ZNF365: variants seen among roughly 807,000 people sequenced by gnomAD.
ZNF365 encodes the protein protein ZNF365.
ZNF365 carries 22 observed loss-of-function variants against 35.0 expected under a neutral mutation model. The observed-to-expected ratio is 0.63, with a 90% confidence interval of 0.45 to 0.90. The LOEUF (loss-of-function observed/expected upper bound fraction) is 0.90. Ranked by LOEUF, ZNF365 falls within the 40% of genes least tolerant of loss-of-function variation. ZNF365 has a pLI of 0.00. For synonymous variants in ZNF365, 188 were observed against 196.2 expected, an observed-to-expected ratio of 0.96 and a Z score of 0.35; for missense variants, 448 against 500.3, an observed-to-expected ratio of 0.90 and a Z score of 1.00.
At chr10:62,388,644 A>G in intron 3 of ZNF365, 68 bp downstream of exon 3, 1 of 1,565,980 alleles carries the variant, frequency 6.4e-7, no homozygotes, top group Non-Finnish European at 8.7e-7. Context: ...CTGAGGACAG[A>G]GAAAAGGGAG....
intron 1 of ZNF365, among the ~76,000 whole-genome samples, chr10:62,375,141 T>A (rs1281265648): frequency 2.0e-5 from 3 of 152,172 alleles, no homozygotes; most frequent in Admixed American, 1.3e-4. Flanking sequence ...TAGAAACCTT[T>A]CATGGAGGAA....
At chr10:62,412,560 C>A (rs1840003255) in intron 3 of ZNF365, among the ~76,000 whole-genome samples, 1 of 152,072 alleles carries the variant, frequency 6.6e-6, no homozygotes, top group Non-Finnish European at 1.5e-5. Context: ...TCTTCTCAAG[C>A]TAAAAAGCAA....
chr10:62,480,167 C>T lies in ZNF365; in HGVS notation c.*271C>T, dbSNP rs1024431617. 16 of 1,216,436 alleles carry T rather than the reference C, an allele frequency of 1.3e-5. No homozygotes were observed. In the South Asian group the frequency reaches 4.2e-4, roughly 32 times the overall value. The allele number at this position is 1,216,436 out of a possible 1,614,324, so 75.4% of individuals were successfully genotyped here. A position where few individuals can be genotyped will look rare whatever the true frequency, so the allele number is the denominator to read the frequency against. On this transcript the variant is annotated 3_prime_UTR_variant, in exon 5 of 5. Transcript: ENST00000395255. Reference sequence around the variant, plus strand: ...TCATGCTTTGAGTTTCTCATATAACCCATCATAGCAAGTAGAAGATGCTTC... The same window carrying T: ...TCATGCTTTGAGTTTCTCATATAACTCATCATAGCAAGTAGAAGATGCTTC...
At chr10:62,416,124 A>C (rs1320145048) in intron 3 of ZNF365, among the ~76,000 whole-genome samples, 1 of 151,954 alleles carries the variant, frequency 6.6e-6, no homozygotes, top group African/African-American at 2.4e-5. Context: ...TCACCTTTGC[A>C]TTCTATTTCT....
intron 3 of ZNF365, among the ~76,000 whole-genome samples, chr10:62,455,128 C>G (rs1438418187): frequency 2.0e-5 from 3 of 152,102 alleles, no homozygotes; most frequent in African/African-American, 7.2e-5. Context: ...TTGTAAAGGA[C>G]AGAAAAACGC....
rs754116468 is a variant in ZNF365 at position 62,399,831 on chromosome 10, G to T, written c.*42G>T. 6.4e-6 allele frequency: 10 copies of T among 1,568,298 alleles called. No individual in the cohort carries two copies. In the South Asian group the frequency reaches 1.2e-4, roughly 18 times the overall value. The stretch of plus-strand genomic sequence containing the variant: ...GGACCAATCATCGCTGGGCTTTGGG[G>T]AACGTTGTTCCAGGAGCCAACAGTA... On this transcript the variant is annotated 3_prime_UTR_variant, in exon 5 of 5. Coordinates refer to ENST00000395254, the MANE Select transcript of ZNF365 (RefSeq NM_014951.3).
At chr10:62,478,796 G>A (rs1289775379) in intron 4 of ZNF365, among the ~76,000 whole-genome samples, 1 of 152,092 alleles carries the variant, frequency 6.6e-6, no homozygotes, top group African/African-American at 2.4e-5. Context: ...GGATGGTCTC[G>A]ATCTCCTGAC....
chr10:62,377,490 G>A (rs935443054), intron 2 of ZNF365, among the ~76,000 whole-genome samples: 1 of 152,114 alleles, frequency 6.6e-6, no homozygotes, highest in Non-Finnish European at 1.5e-5. Flanking sequence ...AGACATTAGG[G>A]CACCCAGAGG....
At chr10:62,450,876 C>A (rs1250732556) in intron 3 of ZNF365, among the ~76,000 whole-genome samples, 5 of 152,200 alleles carry the variant, frequency 3.3e-5, no homozygotes, top group African/African-American at 1.2e-4. Flanking sequence ...TCTAAATGAA[C>A]CTATTCCCCT....
chr10:62,467,189 A>G (rs7901870), intron 4 of ZNF365, among the ~76,000 whole-genome samples: 31,600 of 152,190 alleles, frequency 0.21, 4,631 homozygotes, highest in African/African-American at 0.42. Flanking sequence ...GAGATATTAG[A>G]TGTTTTCTTC....
chr10:62,440,595 G>A (rs1327954049), intron 3 of ZNF365, among the ~76,000 whole-genome samples: 1 of 152,180 alleles, frequency 6.6e-6, no homozygotes, highest in Non-Finnish European at 1.5e-5. Flanking sequence ...AATGCATTTA[G>A]CAAATTGACA....
At chr10:62,448,131 CA>C (rs1182610919) in intron 3 of ZNF365, among the ~76,000 whole-genome samples, 1 of 152,214 alleles carries the variant, frequency 6.6e-6, no homozygotes, top group Non-Finnish European at 1.5e-5. Flanking sequence ...AAATATTATA[CA>C]CATCTCCATA....
rs752059728 is a variant in ZNF365, at chr10:62,399,902, A to G, written c.*113A>G. ...CATAGTAAGACACATTGGAAAAGCCAAGGGCATAACACAGGCAAGCACCTC... is the reference window on the plus strand; with the variant it reads ...CATAGTAAGACACATTGGAAAAGCCGAGGGCATAACACAGGCAAGCACCTC... On this transcript the variant is annotated 3_prime_UTR_variant, in exon 5 of 5. Coordinates refer to ENST00000395254, the MANE Select transcript of ZNF365 (RefSeq NM_014951.3). 199 of 1,448,066 alleles carry G rather than the reference A, an allele frequency of 1.4e-4. No homozygotes were observed. The highest frequency in any genetic ancestry group is 1.7e-4 in the Non-Finnish European group (189 of 1,099,966). 89.7% of individuals were successfully genotyped at this position (1,448,066 alleles called of 1,614,324 possible).
chr10:62,453,157 G>A (rs1196743805), intron 3 of ZNF365, among the ~76,000 whole-genome samples: 3 of 152,180 alleles, frequency 2.0e-5, no homozygotes, highest in Non-Finnish European at 4.4e-5. Flanking sequence ...ATAAATTGAT[G>A]AGGTACAAAT....
intron 3 of ZNF365, among the ~76,000 whole-genome samples, chr10:62,434,046 C>A (rs145936663): frequency 6.6e-6 from 1 of 152,082 alleles, no homozygotes; most frequent in East Asian, 1.9e-4. Flanking sequence ...CCTAAACCTG[C>A]TTGAACATAA....
Position 62,400,483 on chromosome 10 carries a change from C to G in ZNF365, c.*694C>G, listed in dbSNP as rs77856112. On this transcript the variant is annotated 3_prime_UTR_variant, in exon 5 of 5. Transcript: ENST00000395254. ...GGTACACCTCTGCCGTCTTCTTTGG[C>G]TGAGTATTCTGCACCCACAGACCAT... is the stretch of plus-strand genomic sequence containing the variant. 0.01 allele frequency: 9,912 copies of G among 985,948 alleles called. 744 individuals are homozygous for G. In the African/African-American group the frequency reaches 0.16, roughly 16 times the overall value. 61.1% of individuals were successfully genotyped at this position (985,948 alleles called of 1,614,324 possible).
intron 3 of ZNF365, among the ~76,000 whole-genome samples, chr10:62,413,824 C>T (rs935605958): frequency 1.1e-4 from 16 of 152,094 alleles, no homozygotes; most frequent in African/African-American, 2.7e-4. Context: ...AATATTGGCC[C>T]TCTCTTCACC....
chr10:62,478,122 A>C, intron 4 of ZNF365, among the ~76,000 whole-genome samples: 1 of 152,194 alleles, frequency 6.6e-6, no homozygotes, highest in South Asian at 2.1e-4. Context: ...AGGTGATAGG[A>C]GACAGTCTCT....
chr10:62,424,493 G>A (rs936278602), intron 3 of ZNF365, among the ~76,000 whole-genome samples: 4 of 152,162 alleles, frequency 2.6e-5, no homozygotes, highest in Non-Finnish European at 5.9e-5. Flanking sequence ...ATAATTTTCT[G>A]TTGGCCTAGT....
Sources: gnomAD v4.1 joint callset for allele counts (sites outside exome capture counted in the v4.1 genomes callset) on GRCh38, gnomAD v4.1.1 for gene constraint, MANE v1.5 for transcripts, NCBI Gene and HGNC (gene_info 2026-07-23, HGNC 2026-07-21) for gene names.